Variants in PTPRN2 observed in about 807,000 individuals in gnomAD.
PTPRN2 encodes receptor-type tyrosine-protein phosphatase N2.
Under a neutral mutation model 118.8 loss-of-function variants are expected in PTPRN2, and 74 were observed. The observed-to-expected ratio is 0.62, with a 90% CI of 0.52 to 0.76. PTPRN2 has a LOEUF of 0.76. Ranked by LOEUF, PTPRN2 falls within the 30% of genes least tolerant of loss-of-function variation. PTPRN2 has a pLI of 0.00. For missense variants in PTPRN2, 1,481 were observed against 1,394.4 expected (o/e 1.06, Z -0.99); for synonymous variants, 641 against 608.0 (o/e 1.05, Z -0.80).
chr7:157,696,915 G>A (rs1287007414), intron 12 of PTPRN2, among the ~76,000 whole-genome samples: 2 of 103,496 alleles, frequency 1.9e-5, no homozygotes, highest in Admixed American at 1.0e-4. Context: ...ACTGGGTCTT[G>A]GCAGAGCCCT....
chr7:158,289,442 C>T (rs1369900416), intron 3 of PTPRN2, among the ~76,000 whole-genome samples: 2 of 152,192 alleles, frequency 1.3e-5, no homozygotes, highest in African/African-American at 4.8e-5. Flanking sequence ...CTGCAGTTGA[C>T]ACTCTCTACT....
At chr7:157,711,873 C>T (rs1246256560) in intron 12 of PTPRN2, among the ~76,000 whole-genome samples, 1 of 148,650 alleles carries the variant, frequency 6.7e-6, no homozygotes, top group Non-Finnish European at 1.5e-5. Flanking sequence ...TCGTGGGCCA[C>T]AACAGGGTAG....
intron 11 of PTPRN2, among the ~76,000 whole-genome samples, chr7:158,023,286 TGACA>T (rs1168504193): frequency 6.6e-6 from 1 of 152,070 alleles, no homozygotes; most frequent in African/African-American, 2.4e-5. Context: ...TGGGAAACAC[TGACA>T]GACAGCTCTC....
At chr7:158,062,210 G>T (rs1810400163) in intron 11 of PTPRN2, among the ~76,000 whole-genome samples, 2 of 152,252 alleles carry the variant, frequency 1.3e-5, no homozygotes, top group South Asian at 2.1e-4. Context: ...TTCACAGATG[G>T]AGAAAACAAG....
At chr7:158,330,217 G>A (rs866565177) in intron 2 of PTPRN2, among the ~76,000 whole-genome samples, 23 of 145,626 alleles carry the variant, frequency 1.6e-4, no homozygotes, top group African/African-American at 5.4e-4. Flanking sequence ...CATAAGAGCT[G>A]ACACCTGCAG....
In PTPRN2 at chr7:157,615,479, A is replaced by T. The variant is rs1215803676; in HGVS notation, c.2344+5883T>A. On this transcript the variant is annotated intron_variant, in intron 15 of 22. Coordinates refer to ENST00000389418, the MANE Select transcript of PTPRN2 (RefSeq NM_002847.5). The surrounding 1 kb of genome is among the most constrained non-coding windows in gnomAD (Gnocchi z 4.3). ...GAGCCTCACGTGGAAACATCTGATGAGCCTTTGCCAATATGCTCGGGACCT... is the reference window on the plus strand; with the variant it reads ...GAGCCTCACGTGGAAACATCTGATGTGCCTTTGCCAATATGCTCGGGACCT... The T allele has an allele frequency of 2.1e-6, 1 of 471,054 alleles. No individual in the cohort carries two copies. Among genetic ancestry groups the T allele is most frequent in the Non-Finnish European group, 4.4e-6 (1 of 227,070 alleles). 29.2% of individuals were successfully genotyped at this position (471,054 alleles called of 1,614,324 possible). A position where few individuals can be genotyped will look rare whatever the true frequency, so the allele number is the denominator to read the frequency against.
chr7:158,350,206 A>AG lies in PTPRN2; in HGVS notation c.164-33275dup, dbSNP rs547420657. ...GAGGCTCCATTGAGCATTGACCCTGAGGCCCTAAGAGTTGCTGCCCGAGGA... is the reference window on the plus strand; with the variant it reads ...GAGGCTCCATTGAGCATTGACCCTGAGGGCCCTAAGAGTTGCTGCCCGAGGA... On this transcript the variant is annotated intron_variant, in intron 2 of 22. Transcript: ENST00000389418. 1.5e-4 allele frequency among the ~76,000 whole-genome samples: 23 copies of AG among 152,310 alleles called. No homozygotes were observed. In the East Asian group the frequency reaches 3.3e-3, roughly 22 times the overall value.
intron 2 of PTPRN2, among the ~76,000 whole-genome samples, chr7:158,422,074 C>T (rs1387403277): frequency 6.6e-6 from 1 of 152,188 alleles, no homozygotes; most frequent in Admixed American, 6.5e-5. Context: ...ACTTCAAATC[C>T]ACTTTTCACA....
intron 12 of PTPRN2, among the ~76,000 whole-genome samples, chr7:157,802,313 C>T (rs1019024335): frequency 2.0e-5 from 3 of 152,216 alleles, no homozygotes; most frequent in Admixed American, 6.5e-5. Context: ...ATAGATTCCA[C>T]GCTTCAGCGA....
chr7:157,727,187 C>A (rs1216202568), intron 12 of PTPRN2, among the ~76,000 whole-genome samples: 1 of 152,202 alleles, frequency 6.6e-6, no homozygotes, highest in Admixed American at 6.5e-5. Flanking sequence ...GCCAGGTTCA[C>A]AGCAACTTTA....
chr7:157,839,296 C>T (rs1808199152), intron 12 of PTPRN2, among the ~76,000 whole-genome samples: 1 of 152,204 alleles, frequency 6.6e-6, no homozygotes. Flanking sequence ...GCATGTTCAT[C>T]ACTGTCAGTG....
intron 2 of PTPRN2, among the ~76,000 whole-genome samples, chr7:158,474,956 T>A (rs1820135153): frequency 6.6e-6 from 1 of 152,140 alleles, no homozygotes; most frequent in Admixed American, 6.5e-5. Flanking sequence ...CAAACTGGCA[T>A]TTGCGCCTCC....
At chr7:157,872,955 C>G (rs1196590750) in intron 12 of PTPRN2, among the ~76,000 whole-genome samples, 2 of 152,262 alleles carry the variant, frequency 1.3e-5, no homozygotes, top group East Asian at 3.8e-4. Context: ...GGTGCTTGTC[C>G]TCTTCCTGGG....
At position 158,351,882 on chromosome 7, in the gene PTPRN2, G is replaced by A. The variant is rs79517996; in HGVS notation, c.164-34950C>T. Reference sequence around the variant, plus strand: ...CCACTCCCAGCCCAGCTCCCCTCCTGTCTGCTCGCCTCCTGTCCGCTCCCC... The same window carrying A: ...CCACTCCCAGCCCAGCTCCCCTCCTATCTGCTCGCCTCCTGTCCGCTCCCC... On this transcript the variant is annotated intron_variant, in intron 2 of 22. Coordinates refer to ENST00000389418, the MANE Select transcript of PTPRN2 (RefSeq NM_002847.5). 6.9e-3 allele frequency among the ~76,000 whole-genome samples: 584 copies of A among 85,190 alleles called. 27 individuals are homozygous for A. Among genetic ancestry groups the A allele is most frequent in the African/African-American group, 0.023 (568 of 24,614 alleles). The allele number at this position is 85,190 out of a possible 152,430, so 55.9% of individuals were successfully genotyped here.
At chr7:158,118,323 A>G (rs1441206606) in intron 9 of PTPRN2, among the ~76,000 whole-genome samples, 1 of 152,168 alleles carries the variant, frequency 6.6e-6, no homozygotes, top group Non-Finnish European at 1.5e-5. Flanking sequence ...AGCTAGTATA[A>G]ATTTAAGTTA....
intron 2 of PTPRN2, among the ~76,000 whole-genome samples, chr7:158,368,819 G>A (rs1809732519): frequency 6.6e-6 from 1 of 152,232 alleles, no homozygotes; most frequent in African/African-American, 2.4e-5. Flanking sequence ...CGAGAGCTCT[G>A]CCAGACAGAG....
chr7:158,204,788 G>A (rs1585843187), intron 4 of PTPRN2, among the ~76,000 whole-genome samples: 3 of 152,160 alleles, frequency 2.0e-5, no homozygotes, highest in Non-Finnish European at 4.4e-5. Flanking sequence ...CTCAGTATAC[G>A]TTGCTATGCT....
intron 3 of PTPRN2, among the ~76,000 whole-genome samples, chr7:158,268,153 AG>A (rs1326942407): frequency 2.0e-5 from 3 of 152,210 alleles, no homozygotes; most frequent in African/African-American, 7.2e-5. Context: ...CTAATTAGAG[AG>A]CCCCTAAGTG....
In PTPRN2 at chr7:157,577,971, G is replaced by C. The variant is rs959447461; in HGVS notation, c.2616+50C>G. On this transcript the variant is annotated intron_variant, in intron 18 of 22. Coordinates refer to ENST00000389418, the MANE Select transcript of PTPRN2 (RefSeq NM_002847.5). ...CCCATTCGGAGGAGGAGCAGGGCCC[G>C]TCCTCGTCCGGCTGGTGGGTCCTGC... is the stretch of plus-strand genomic sequence containing the variant. 2.6e-6 allele frequency: 4 copies of C among 1,517,586 alleles called. No homozygotes were observed. The East Asian group carries it at 9.2e-5, about 35-fold the overall frequency. 94.0% of individuals were successfully genotyped at this position (1,517,586 alleles called of 1,614,324 possible). A position where few individuals can be genotyped will look rare whatever the true frequency, so the allele number is the denominator to read the frequency against.
Sources: allele counts gnomAD v4.1 joint callset (sites outside exome capture counted in the v4.1 genomes callset), GRCh38; gene constraint gnomAD v4.1.1; non-coding constraint Gnocchi (gnomAD v3.1); transcripts MANE v1.5; gene names NCBI Gene and HGNC (gene_info 2026-07-23, HGNC 2026-07-21).